Variants in KIRREL3 observed in about 807,000 individuals in gnomAD.
KIRREL3 encodes the protein kirre like nephrin family adhesion molecule 3, also known as kin of IRRE-like protein 3.
In KIRREL3, 36 loss-of-function variants were observed where a neutral mutation model predicts 89.7. That is an observed-to-expected ratio of 0.40 (90% CI 0.31 to 0.53). The LOEUF (loss-of-function observed/expected upper bound fraction) is 0.53, where lower values mean the gene tolerates loss of function less well. KIRREL3 is among the 20% of genes least tolerant of loss of function. KIRREL3 has a pLI of 0.49. For missense variants in KIRREL3, 864 were observed against 1,056.6 expected, an observed-to-expected ratio of 0.82 and a Z score of 2.53; for synonymous variants, 445 against 441.4, an observed-to-expected ratio of 1.01 and a Z score of -0.10.
chr11:126,666,181 C>T lies in KIRREL3; in HGVS notation c.56-103269G>A, dbSNP rs998739139. Among the ~76,000 whole-genome samples, 1 of 152,116 alleles carries T rather than the reference C, an allele frequency of 6.6e-6. No individual in the cohort carries two copies. The highest frequency in any genetic ancestry group is 2.1e-4 in the South Asian group (1 of 4,816). On this transcript the variant is annotated intron_variant, in intron 1 of 16. Coordinates refer to ENST00000525144, the MANE Select transcript of KIRREL3 (RefSeq NM_032531.4). The surrounding 1 kb of genome is among the most constrained non-coding windows in gnomAD (Gnocchi z 4.2). ...AATAAGTGCAGCAGGATCTTGGTTC[C>T]GCAGGAAGAGTGTGGATTCTTGGAA...
At chr11:126,942,940 A>C (rs1206175129) in intron 1 of KIRREL3, among the ~76,000 whole-genome samples, 1 of 152,178 alleles carries the variant, frequency 6.6e-6, no homozygotes, top group South Asian at 2.1e-4. Flanking sequence ...GCTCGTTAAC[A>C]TGCAGGCAGT....
rs1425076522 is a variant in KIRREL3, at chr11:126,573,976, C to T, written c.56-11064G>A. On this transcript the variant is annotated intron_variant, in intron 1 of 16. Transcript: ENST00000525144. ...TGCTCCTGATTCTACCCATTCTATT[C>T]TTGTCAGAGATACTTTATGGAAAGT... Among the ~76,000 whole-genome samples the T allele has an allele frequency of 2.0e-5, 3 of 152,264 alleles. No individual in the cohort carries two copies. In the East Asian group the frequency reaches 5.8e-4, roughly 29 times the overall value.
At position 126,906,562 on chromosome 11, in the gene KIRREL3, T is replaced by C. The variant is rs1946591818; in HGVS notation, c.55+93893A>G. 1.3e-5 allele frequency among the ~76,000 whole-genome samples: 2 copies of C among 152,254 alleles called. No individual in the cohort carries two copies. Among genetic ancestry groups the C allele is most frequent in the South Asian group, 2.1e-4 (1 of 4,816 alleles). ...GAAGTGGATAGGGACCCCCCTGCCA[T>C]GAAAAACAGCGTTGTTTTTTGTTTT... On this transcript the variant is annotated intron_variant, in intron 1 of 16. Transcript: ENST00000525144. The surrounding 1 kb of genome is among the most constrained non-coding windows in gnomAD (Gnocchi z 4.1).
chr11:126,524,271 C>G (rs1239376585), intron 3 of KIRREL3, among the ~76,000 whole-genome samples: 2 of 152,182 alleles, frequency 1.3e-5, no homozygotes. Flanking sequence ...TGTAAAGTGC[C>G]TGGCACATTG....
At chr11:126,619,780 A>G (rs1007680379) in intron 1 of KIRREL3, among the ~76,000 whole-genome samples, 6 of 152,130 alleles carry the variant, frequency 3.9e-5, no homozygotes, top group African/African-American at 1.4e-4. Flanking sequence ...CTGACACTGG[A>G]CCTTTTTACT....
chr11:126,870,479 C>T lies in KIRREL3; in HGVS notation c.55+129976G>A, dbSNP rs1313924423. Among the ~76,000 whole-genome samples the T allele has an allele frequency of 1.3e-5, 2 of 152,132 alleles. No homozygotes were observed. Among genetic ancestry groups the T allele is most frequent in the Non-Finnish European group, 2.9e-5 (2 of 68,018 alleles). ...GCTTCCATCCCTGGCCTTTAGAGAC[C>T]GAAGTCTCCTGAAAGGCAGGTCCTT... On this transcript the variant is annotated intron_variant, in intron 1 of 16. Transcript: ENST00000525144. The surrounding 1 kb of genome is among the most constrained non-coding windows in gnomAD (Gnocchi z 4.4).
chr11:126,785,083 A>T (rs1950445564), intron 1 of KIRREL3, among the ~76,000 whole-genome samples: 1 of 152,130 alleles, frequency 6.6e-6, no homozygotes. Flanking sequence ...GTGAAGATGA[A>T]GTAGGGGAGA....
rs1946881713 is a variant in KIRREL3 at position 126,912,892 on chromosome 11, A to G, written c.55+87563T>C. ...TAATTACCAATGACGCTTTATCGTGATGACAGAGGAGGGCATGCAGAGTGG... is the reference window on the plus strand; with the variant it reads ...TAATTACCAATGACGCTTTATCGTGGTGACAGAGGAGGGCATGCAGAGTGG... On this transcript the variant is annotated intron_variant, in intron 1 of 16. Transcript: ENST00000525144. The surrounding 1 kb of genome is among the most constrained non-coding windows in gnomAD (Gnocchi z 4.7). Among the ~76,000 whole-genome samples, 1 of 152,220 alleles carries G rather than the reference A, an allele frequency of 6.6e-6. No homozygotes were observed. Among genetic ancestry groups the G allele is most frequent in the Non-Finnish European group, 1.5e-5 (1 of 68,030 alleles).
At chr11:126,827,906 G>T (rs1387663420) in intron 1 of KIRREL3, among the ~76,000 whole-genome samples, 1 of 152,136 alleles carries the variant, frequency 6.6e-6, no homozygotes, top group East Asian at 1.9e-4. Flanking sequence ...TCCGATAAAT[G>T]ACACAATGGT....
Position 126,562,968 on chromosome 11 carries a change from G to A in KIRREL3, c.56-56C>T. 1 of 1,378,656 alleles carries A rather than the reference G, an allele frequency of 7.3e-7. No individual in the cohort carries two copies. The highest frequency in any genetic ancestry group is 1.2e-5 in the South Asian group (1 of 83,296). 85.4% of individuals were successfully genotyped at this position (1,378,656 alleles called of 1,614,324 possible). On this transcript the variant is annotated intron_variant, in intron 1 of 16. Transcript: ENST00000525144. This position sits in a 1 kb window ranked among gnomAD's most constrained non-coding sequence, Gnocchi z 4.7. ...GAATGGGAACAGGTCAGGCATTGTT[G>A]GGGGGCCCTCTGCAGGGGGCTGTGG...
At position 126,788,616 on chromosome 11, in the gene KIRREL3, A is replaced by T. The variant is rs1190799718; in HGVS notation, c.55+211839T>A. ...CCTATGTTCTGCCAGGCTGTGCTGC[A>T]GTTGCTATGTCTTGGGTTAAAAGTC... is the stretch of plus-strand genomic sequence containing the variant. On this transcript the variant is annotated intron_variant, in intron 1 of 16. Coordinates refer to ENST00000525144, the MANE Select transcript of KIRREL3 (RefSeq NM_032531.4). The surrounding 1 kb of genome is among the most constrained non-coding windows in gnomAD (Gnocchi z 4.1). 1.3e-5 allele frequency among the ~76,000 whole-genome samples: 2 copies of T among 152,184 alleles called. No homozygotes were observed. Among genetic ancestry groups the T allele is most frequent in the African/African-American group, 4.8e-5 (2 of 41,454 alleles).
At chr11:126,438,588 A>AGCCAGCGGTT (rs1420846903) in intron 11 of KIRREL3, among the ~76,000 whole-genome samples, 17 of 152,252 alleles carry the variant, frequency 1.1e-4, no homozygotes, top group Non-Finnish European at 2.2e-4. Flanking sequence ...GCCTAGAATC[A>AGCCAGCGGTT]GATATTTCTG....
At chr11:126,887,399 C>A (rs1372977451) in intron 1 of KIRREL3, among the ~76,000 whole-genome samples, 1 of 152,284 alleles carries the variant, frequency 6.6e-6, no homozygotes, top group South Asian at 2.1e-4. Flanking sequence ...TGATTATGGT[C>A]ATGGTCAGCG....
chr11:126,803,295 A>G (rs1592150099), intron 1 of KIRREL3, among the ~76,000 whole-genome samples: 1 of 152,168 alleles, frequency 6.6e-6, no homozygotes, highest in Non-Finnish European at 1.5e-5. Flanking sequence ...GAAAATGAGG[A>G]ACAGAGATCA....
chr11:126,850,237 C>T (rs1944297252), intron 1 of KIRREL3, among the ~76,000 whole-genome samples: 1 of 152,184 alleles, frequency 6.6e-6, no homozygotes, highest in African/African-American at 2.4e-5. Context: ...AGCACCATGA[C>T]CACCCTATCA....
At chr11:126,585,627 C>A (rs1941800515) in intron 1 of KIRREL3, among the ~76,000 whole-genome samples, 1 of 152,228 alleles carries the variant, frequency 6.6e-6, no homozygotes, top group Non-Finnish European at 1.5e-5. Context: ...AAGCAGCGGA[C>A]CGGATAGGAA....
chr11:126,874,282 G>A (rs1323881850), intron 1 of KIRREL3, among the ~76,000 whole-genome samples: 4 of 152,180 alleles, frequency 2.6e-5, no homozygotes. Context: ...CTTGAGACAT[G>A]GCAGAAAATT....
At position 126,905,343 on chromosome 11, in the gene KIRREL3, T is replaced by C. The variant is rs563252812; in HGVS notation, c.55+95112A>G. On this transcript the variant is annotated intron_variant, in intron 1 of 16. Coordinates refer to ENST00000525144, the MANE Select transcript of KIRREL3 (RefSeq NM_032531.4). This position sits in a 1 kb window ranked among gnomAD's most constrained non-coding sequence, Gnocchi z 5.0. ...GATTCCTGGGAGTTGATGGGAAACTTCTAACCTTCAACTGCCTTCTTTTCT... is the reference window on the plus strand; with the variant it reads ...GATTCCTGGGAGTTGATGGGAAACTCCTAACCTTCAACTGCCTTCTTTTCT... 1.3e-5 allele frequency among the ~76,000 whole-genome samples: 2 copies of C among 152,234 alleles called. No individual in the cohort carries two copies. Among genetic ancestry groups the C allele is most frequent in the African/African-American group, 4.8e-5 (2 of 41,524 alleles).
At position 126,575,261 on chromosome 11, in the gene KIRREL3, C is replaced by T. The variant is rs1941197386; in HGVS notation, c.56-12349G>A. Among the ~76,000 whole-genome samples, 1 of 152,132 alleles carries T rather than the reference C, an allele frequency of 6.6e-6. No homozygotes were observed. Among genetic ancestry groups the T allele is most frequent in the Non-Finnish European group, 1.5e-5 (1 of 68,034 alleles). ...GCAGGTTCTCTCTTGGCTCCTGAGG[C>T]CAAGAGAAGCCAGCCTAGGAAGGTT... On this transcript the variant is annotated intron_variant, in intron 1 of 16. Transcript: ENST00000525144. This position sits in a 1 kb window ranked among gnomAD's most constrained non-coding sequence, Gnocchi z 7.0.
Sources: allele counts gnomAD v4.1 joint callset (sites outside exome capture counted in the v4.1 genomes callset), GRCh38; gene constraint gnomAD v4.1.1; non-coding constraint Gnocchi (gnomAD v3.1); transcripts MANE v1.5; gene names NCBI Gene and HGNC (gene_info 2026-07-23, HGNC 2026-07-21).